The following EPB41L4A variants were observed in gnomAD, a reference collection of about 807,000 sequenced individuals.
EPB41L4A encodes the protein band 4.1-like protein 4A.
EPB41L4A carries 100 observed loss-of-function variants against 108.6 expected under a neutral mutation model. That is an observed-to-expected ratio of 0.92 (90% CI 0.78 to 1.09). The LOEUF (loss-of-function observed/expected upper bound fraction) is 1.09, where lower values mean the gene tolerates loss of function less well. EPB41L4A is among the 50% of genes least tolerant of loss of function. The pLI is 0.00. For missense variants in EPB41L4A, 1,030 were observed against 842.7 expected (o/e 1.22, Z -2.75); for synonymous variants, 319 against 289.0 (o/e 1.10, Z -1.05).
rs7719945 is a variant in EPB41L4A, at chr5:112,395,536, C to T, written c.99+23405G>A. 9.7e-3 allele frequency among the ~76,000 whole-genome samples: 1,482 copies of T among 152,230 alleles called. 29 individuals are homozygous for T. The highest frequency in any genetic ancestry group is 0.033 in the African/African-American group (1,382 of 41,518). On this transcript the variant is annotated intron_variant, in intron 1 of 22. Coordinates refer to ENST00000261486, the MANE Select transcript of EPB41L4A (RefSeq NM_022140.5). The stretch of plus-strand genomic sequence containing the variant: ...GTCATCGGAGAAATGCAAATCAAAA[C>T]CACAATGAGATACCATCTCATGCCA...
At chr5:112,255,170 T>A (rs1750987623) in intron 9 of EPB41L4A, among the ~76,000 whole-genome samples, 1 of 152,110 alleles carries the variant, frequency 6.6e-6, no homozygotes, top group Non-Finnish European at 1.5e-5. Context: ...CCTCCTCATA[T>A]GTTGATGCTG....
At chr5:112,215,590 C>T (rs1439644977) in intron 12 of EPB41L4A, among the ~76,000 whole-genome samples, 1 of 151,816 alleles carries the variant, frequency 6.6e-6, no homozygotes, top group Admixed American at 6.6e-5. Flanking sequence ...GGTGAAACCC[C>T]GTCTCTACTA....
At chr5:112,192,649 A>G (rs1359213348) in intron 17 of EPB41L4A, among the ~76,000 whole-genome samples, 1 of 152,230 alleles carries the variant, frequency 6.6e-6, no homozygotes, top group Non-Finnish European at 1.5e-5. Context: ...GGGAGAAAAT[A>G]CCTACAAGAA....
intron 9 of EPB41L4A, among the ~76,000 whole-genome samples, chr5:112,256,471 G>C (rs1469904965): frequency 1.3e-5 from 2 of 151,918 alleles, no homozygotes; most frequent in East Asian, 3.9e-4. Flanking sequence ...AACTCAGCTG[G>C]AATACAAGAA....
intron 2 of EPB41L4A, among the ~76,000 whole-genome samples, chr5:112,292,706 C>T (rs1281849255): frequency 6.6e-6 from 1 of 152,060 alleles, no homozygotes; most frequent in Non-Finnish European, 1.5e-5. Context: ...CACGATTAAA[C>T]TGTTTATTAT....
chr5:112,252,371 C>A (rs952384013), intron 9 of EPB41L4A, among the ~76,000 whole-genome samples: 3 of 152,134 alleles, frequency 2.0e-5, no homozygotes, highest in African/African-American at 7.2e-5. Flanking sequence ...AGATCTAGAT[C>A]ATTTCCTAGT....
intron 1 of EPB41L4A, among the ~76,000 whole-genome samples, chr5:112,411,921 T>C (rs546349938): frequency 2.4e-4 from 37 of 152,322 alleles, no homozygotes; most frequent in Admixed American, 1.7e-3. Flanking sequence ...ACAACTCAAA[T>C]AGTCTCTCTG....
chr5:112,300,950 A>T (rs962752742), intron 2 of EPB41L4A, among the ~76,000 whole-genome samples: 2 of 152,140 alleles, frequency 1.3e-5, no homozygotes, highest in Non-Finnish European at 2.9e-5. Flanking sequence ...GAGAATTTCA[A>T]GAACATTTTG....
chr5:112,402,322 A>G (rs544679153), intron 1 of EPB41L4A, among the ~76,000 whole-genome samples: 53 of 151,762 alleles, frequency 3.5e-4, no homozygotes, highest in African/African-American at 1.2e-3. Flanking sequence ...CTGCAGAACT[A>G]TGAGCCAATT....
chr5:112,206,446 G>A (rs1016520463), intron 13 of EPB41L4A, among the ~76,000 whole-genome samples: 3 of 151,862 alleles, frequency 2.0e-5, no homozygotes, highest in African/African-American at 7.3e-5. Flanking sequence ...ATCTGACAGA[G>A]GCATATAACC....
At chr5:112,181,853 A>G (rs2150231071) in intron 18 of EPB41L4A, among the ~76,000 whole-genome samples, 1 of 152,278 alleles carries the variant, frequency 6.6e-6, no homozygotes, top group South Asian at 2.1e-4. Flanking sequence ...CCGGTGGATC[A>G]CTGGAGGTCA....
chr5:112,166,885 T>A (rs748292698), intron 22 of EPB41L4A, among the ~76,000 whole-genome samples: 1 of 152,230 alleles, frequency 6.6e-6, no homozygotes, highest in Non-Finnish European at 1.5e-5. Flanking sequence ...GTTTGCTGAT[T>A]GCTCAGACCA....
chr5:112,169,161 G>C, intron 20 of EPB41L4A, 56 bp from the exon 21 acceptor site: 1 of 1,263,822 alleles, frequency 7.9e-7, no homozygotes, highest in Non-Finnish European at 1.2e-6. Flanking sequence ...AAAAGGAAAA[G>C]TAGGAGTTCT....
At chr5:112,411,283 T>C (rs1191083988) in intron 1 of EPB41L4A, among the ~76,000 whole-genome samples, 3 of 152,108 alleles carry the variant, frequency 2.0e-5, no homozygotes, top group Non-Finnish European at 4.4e-5. Flanking sequence ...GTTGAGGCAA[T>C]GTGAGTAGAT....
In EPB41L4A at chr5:112,314,738, A is replaced by G. The variant is rs187364777; in HGVS notation, c.100-7248T>C. ...AAGCCAGGAGGCGGAGGTTGCAGTG[A>G]GCCGAGACTGCGATACTGCACTCCA... On this transcript the variant is annotated intron_variant, in intron 1 of 22. Transcript: ENST00000261486. Among the ~76,000 whole-genome samples the G allele has an allele frequency of 2.1e-3, 319 of 152,086 alleles. 3 individuals are homozygous for G. The highest frequency in any genetic ancestry group is 1.2e-3 in the Non-Finnish European group (81 of 67,966).
chr5:112,250,020 C>CAT (rs1377431242), intron 9 of EPB41L4A, among the ~76,000 whole-genome samples: 1 of 151,968 alleles, frequency 6.6e-6, no homozygotes, highest in Non-Finnish European at 1.5e-5. Flanking sequence ...TAGATACACA[C>CAT]ACATTTTTTT....
chr5:112,347,837 G>A (rs748955138), intron 1 of EPB41L4A, among the ~76,000 whole-genome samples: 45 of 152,152 alleles, frequency 3.0e-4, no homozygotes, highest in Middle Eastern at 3.4e-3. Context: ...ACCACTCTCC[G>A]GTCCAGCTAC....
At chr5:112,357,745 G>A (rs761973091) in intron 1 of EPB41L4A, among the ~76,000 whole-genome samples, 1 of 152,190 alleles carries the variant, frequency 6.6e-6, no homozygotes, top group Admixed American at 6.5e-5. Flanking sequence ...CACTCAATGT[G>A]GATGGATGGT....
At chr5:112,259,415 A>G in intron 8 of EPB41L4A, 123 bp from the exon 9 acceptor site, 1 of 730,832 alleles carries the variant, frequency 1.4e-6, no homozygotes, top group Non-Finnish European at 2.4e-6. Flanking sequence ...CTCCATACCC[A>G]GTACATACAG....
Sources: gnomAD v4.1 joint callset for allele counts (sites outside exome capture counted in the v4.1 genomes callset) on GRCh38, gnomAD v4.1.1 for gene constraint, MANE v1.5 for transcripts, NCBI Gene and HGNC (gene_info 2026-07-23, HGNC 2026-07-21) for gene names.